Variants in GLIS3 observed in about 807,000 individuals in gnomAD.
GLIS3 encodes zinc finger protein GLIS3.
In GLIS3, 53 loss-of-function variants were observed where a neutral mutation model predicts 78.6. That is an observed-to-expected ratio of 0.67 (90% CI 0.54 to 0.85). The LOEUF (loss-of-function observed/expected upper bound fraction) is 0.85. Ranked by LOEUF, GLIS3 falls within the 40% of genes least tolerant of loss-of-function variation. The pLI, the probability that GLIS3 is intolerant of heterozygous loss-of-function variation, is 0.00. For missense variants in GLIS3, 1,703 were observed against 1,231.1 expected, an observed-to-expected ratio of 1.38 and a Z score of -5.74; for synonymous variants, 684 against 509.9, an observed-to-expected ratio of 1.34 and a Z score of -4.60.
At chr9:3,951,558 G>T (rs1816678766) in intron 4 of GLIS3, among the ~76,000 whole-genome samples, 1 of 151,818 alleles carries the variant, frequency 6.6e-6, no homozygotes. Flanking sequence ...CTGAAAAATA[G>T]ACCACTGGCA....
At chr9:4,106,103 T>C (rs566116084) in intron 4 of GLIS3, among the ~76,000 whole-genome samples, 1 of 152,284 alleles carries the variant, frequency 6.6e-6, no homozygotes, top group Admixed American at 6.5e-5. Flanking sequence ...TGTATCCCAG[T>C]ACACCTTCCA....
chr9:4,312,693 T>C (rs972008249), intron 2 of GLIS3, among the ~76,000 whole-genome samples: 1 of 152,228 alleles, frequency 6.6e-6, no homozygotes, highest in Non-Finnish European at 1.5e-5. Context: ...TTTCCCTCTC[T>C]GTTTTATGGC....
chr9:4,430,286 T>G, the GLIS3 span, among the ~76,000 whole-genome samples: 1 of 152,216 alleles, frequency 6.6e-6, no homozygotes, highest in Non-Finnish European at 1.5e-5. Flanking sequence ...GATCATCCTA[T>G]GTTTTTTAGA....
At chr9:4,175,875 T>C (rs562796770) in intron 2 of GLIS3, among the ~76,000 whole-genome samples, 5 of 152,300 alleles carry the variant, frequency 3.3e-5, no homozygotes, top group Admixed American at 2.6e-4. Context: ...ATTTGACAGA[T>C]GAAAAAACTG....
intron 4 of GLIS3, among the ~76,000 whole-genome samples, chr9:4,116,019 A>G (rs1564069984): frequency 6.6e-6 from 1 of 152,228 alleles, no homozygotes; most frequent in Non-Finnish European, 1.5e-5. Context: ...TATATTTTTG[A>G]TATTTATCGT....
At chr9:4,215,645 C>G (rs538918752) in intron 2 of GLIS3, among the ~76,000 whole-genome samples, 1 of 152,184 alleles carries the variant, frequency 6.6e-6, no homozygotes, top group Non-Finnish European at 1.5e-5. Context: ...GATTCAATTC[C>G]CATGCAATGA....
At chr9:4,023,093 A>G (rs1823020591) in intron 4 of GLIS3, among the ~76,000 whole-genome samples, 1 of 152,210 alleles carries the variant, frequency 6.6e-6, no homozygotes, top group South Asian at 2.1e-4. Context: ...CATATTTGAA[A>G]ACAAATTATA....
At chr9:4,015,286 C>T (rs986242437) in intron 4 of GLIS3, among the ~76,000 whole-genome samples, 15 of 152,126 alleles carry the variant, frequency 9.9e-5, no homozygotes, top group African/African-American at 3.4e-4. Flanking sequence ...GGTAAAGAGT[C>T]TAACCTTCTC....
At chr9:4,148,648 C>G (rs922215965) in intron 2 of GLIS3, among the ~76,000 whole-genome samples, 10 of 152,114 alleles carry the variant, frequency 6.6e-5, no homozygotes, top group African/African-American at 2.4e-4. Flanking sequence ...TAGGCCTCAG[C>G]TTCCTAATGC....
At chr9:4,017,970 G>A (rs1563952487) in intron 4 of GLIS3, among the ~76,000 whole-genome samples, 1 of 152,136 alleles carries the variant, frequency 6.6e-6, no homozygotes, top group Non-Finnish European at 1.5e-5. Flanking sequence ...CCAGCCAAGG[G>A]GGCAGGCCTT....
intron 2 of GLIS3, among the ~76,000 whole-genome samples, chr9:4,208,340 A>G (rs987320083): frequency 7.2e-5 from 11 of 152,212 alleles, no homozygotes; most frequent in Non-Finnish European, 1.3e-4. Flanking sequence ...AATGGCCACA[A>G]ACAAGTTCTG....
intron 4 of GLIS3, among the ~76,000 whole-genome samples, chr9:3,980,851 C>G (rs1381612626): frequency 6.6e-6 from 1 of 152,112 alleles, no homozygotes; most frequent in African/African-American, 2.4e-5. Flanking sequence ...GCTTGCTTCC[C>G]TACTTCCAGC....
intron 1 of GLIS3, among the ~76,000 whole-genome samples, chr9:4,287,906 T>C (rs10122677): frequency 0.92 from 139,713 of 152,288 alleles, 64,822 homozygotes; most frequent in Non-Finnish European, 0.98. Flanking sequence ...CAATATAAAA[T>C]GTAGAATGTT....
chr9:4,424,058 T>C, the GLIS3 span, among the ~76,000 whole-genome samples: 62 of 152,300 alleles, frequency 4.1e-4, no homozygotes, highest in East Asian at 7.1e-3. Context: ...CTAAAATCAA[T>C]TGAAGCAAAG....
intron 4 of GLIS3, among the ~76,000 whole-genome samples, chr9:4,050,606 A>C (rs1394264079): frequency 6.6e-6 from 1 of 152,210 alleles, no homozygotes; most frequent in Non-Finnish European, 1.5e-5. Context: ...TAATAAAAAT[A>C]AAAGTAATTT....
At chr9:3,914,114 T>C (rs569726513) in intron 6 of GLIS3, among the ~76,000 whole-genome samples, 1 of 147,436 alleles carries the variant, frequency 6.8e-6, no homozygotes, top group Admixed American at 6.9e-5. Flanking sequence ...ACCGAAATTT[T>C]TTTTAAAAAG....
chr9:4,397,636 A>G, the GLIS3 span, among the ~76,000 whole-genome samples: 1 of 139,926 alleles, frequency 7.1e-6, no homozygotes, highest in Non-Finnish European at 1.5e-5. Flanking sequence ...GAAAGGAAGG[A>G]AGAAAAGGAA....
chr9:4,192,247 C>T (rs887245881), intron 2 of GLIS3, among the ~76,000 whole-genome samples: 1 of 152,148 alleles, frequency 6.6e-6, no homozygotes, highest in Admixed American at 6.6e-5. Flanking sequence ...TATAACATTA[C>T]ACAGTGCCAG....
At chr9:4,417,114 G>A in the GLIS3 span, among the ~76,000 whole-genome samples, 2,866 of 152,098 alleles carry the variant, frequency 0.019, 47 homozygotes, top group Non-Finnish European at 0.027. Flanking sequence ...ACACTTTTCC[G>A]TCTATTAGTA....
Sources: gnomAD v4.1 joint callset for allele counts (sites outside exome capture counted in the v4.1 genomes callset) on GRCh38, gnomAD v4.1.1 for gene constraint, MANE v1.5 for transcripts, NCBI Gene and HGNC (gene_info 2026-07-23, HGNC 2026-07-21) for gene names.